Variants in PHACTR1 observed in about 807,000 individuals in gnomAD.
PHACTR1 encodes the protein RPEL repeat containing 1.
PHACTR1 carries 16 observed loss-of-function variants against 69.2 expected under a neutral mutation model. The ratio of observed to expected loss-of-function variants is 0.23; its 90% CI spans 0.16 to 0.35. The LOEUF is 0.35. PHACTR1 is among the 10% of genes least tolerant of loss of function. The pLI is 1.00. For missense variants in PHACTR1, 510 were observed against 734.7 expected, an observed-to-expected ratio of 0.69 and a Z score of 3.54; for synonymous variants, 312 against 284.5, an observed-to-expected ratio of 1.10 and a Z score of -0.97.
At chr6:13,182,214 C>T (rs1383645341) in intron 6 of PHACTR1, among the ~76,000 whole-genome samples, 3 of 152,118 alleles carry the variant, frequency 2.0e-5, no homozygotes, top group African/African-American at 7.2e-5. Flanking sequence ...GCCTGGGCAA[C>T]AAGAGTGAAA....
intron 5 of PHACTR1, among the ~76,000 whole-genome samples, chr6:13,090,892 T>C (rs1020013884): frequency 6.6e-6 from 1 of 152,326 alleles, no homozygotes; most frequent in East Asian, 1.9e-4. Context: ...GCACATTACA[T>C]TTATTGTACA....
chr6:12,915,510 AAAAAAAAAAAG>A (rs1314994888), intron 4 of PHACTR1, among the ~76,000 whole-genome samples: 2 of 149,508 alleles, frequency 1.3e-5, no homozygotes, highest in African/African-American at 5.0e-5. Context: ...CTCTCTCAAA[AAAAAAAAAAAG>A]AAAAAAAAAA....
chr6:13,139,067 A>G (rs1821995661), intron 5 of PHACTR1, among the ~76,000 whole-genome samples: 2 of 150,882 alleles, frequency 1.3e-5, no homozygotes, highest in South Asian at 4.2e-4. Context: ...ACAGTTTTAT[A>G]CTTAGTTAGA....
At chr6:13,224,373 A>C (rs1769223343) in intron 8 of PHACTR1, among the ~76,000 whole-genome samples, 1 of 152,272 alleles carries the variant, frequency 6.6e-6, no homozygotes. Flanking sequence ...TTCCAGGCCA[A>C]GAGCATTGAA....
At chr6:12,991,788 T>C (rs1023301770) in intron 4 of PHACTR1, among the ~76,000 whole-genome samples, 1 of 152,168 alleles carries the variant, frequency 6.6e-6, no homozygotes, top group Non-Finnish European at 1.5e-5. Flanking sequence ...GGAGATCACG[T>C]GCACAGTACT....
intron 5 of PHACTR1, among the ~76,000 whole-genome samples, chr6:13,138,295 C>T (rs1417313327): frequency 6.6e-6 from 1 of 152,146 alleles, no homozygotes; most frequent in Non-Finnish European, 1.5e-5. Flanking sequence ...TCTGGAAAGA[C>T]GTTCCTGGGT....
At chr6:13,200,765 C>G (rs1277762137) in intron 7 of PHACTR1, among the ~76,000 whole-genome samples, 2 of 150,886 alleles carry the variant, frequency 1.3e-5, no homozygotes, top group Admixed American at 1.3e-4. Flanking sequence ...GAAACCCCAT[C>G]TCTACTAAAA....
At chr6:13,184,945 C>A in intron 7 of PHACTR1, 1 of 1,366,628 alleles carries the variant, frequency 7.3e-7, no homozygotes, top group Non-Finnish European at 9.8e-7. Context: ...GCTGCCCCTT[C>A]TCAAGCAGCC....
chr6:12,891,272 T>C (rs1363975787), intron 4 of PHACTR1, among the ~76,000 whole-genome samples: 2 of 152,160 alleles, frequency 1.3e-5, no homozygotes, highest in East Asian at 1.9e-4. Flanking sequence ...CATTTTTTTT[T>C]ACAAATTATG....
chr6:13,043,081 T>C, intron 4 of PHACTR1, among the ~76,000 whole-genome samples: 1 of 152,228 alleles, frequency 6.6e-6, no homozygotes, highest in Non-Finnish European at 1.5e-5. Flanking sequence ...GAGTCATCTC[T>C]GTTCTCTTTG....
At chr6:13,050,106 A>G (rs529466548) in intron 4 of PHACTR1, among the ~76,000 whole-genome samples, 2 of 152,220 alleles carry the variant, frequency 1.3e-5, no homozygotes, top group Non-Finnish European at 2.9e-5. Flanking sequence ...GGTTTCCCAC[A>G]ATTATTACTA....
intron 4 of PHACTR1, among the ~76,000 whole-genome samples, chr6:12,767,697 G>A (rs142940930): frequency 3.9e-4 from 60 of 152,224 alleles, no homozygotes; most frequent in African/African-American, 1.2e-3. Context: ...GAGACTGTTT[G>A]CCCTCTTGGT....
chr6:12,982,694 C>T (rs1481705299), intron 4 of PHACTR1, among the ~76,000 whole-genome samples: 1 of 152,068 alleles, frequency 6.6e-6, no homozygotes, highest in East Asian at 1.9e-4. Flanking sequence ...ATCTAAAGTT[C>T]CCTTTCCAGG....
intron 6 of PHACTR1, among the ~76,000 whole-genome samples, chr6:13,175,806 T>C (rs559613952): frequency 6.6e-6 from 1 of 152,256 alleles, no homozygotes; most frequent in East Asian, 1.9e-4. Context: ...ATAAGACAAA[T>C]GGGAGATCGA....
intron 4 of PHACTR1, among the ~76,000 whole-genome samples, chr6:12,973,795 T>C (rs1488199829): frequency 6.6e-6 from 1 of 152,190 alleles, no homozygotes; most frequent in Admixed American, 6.5e-5. Flanking sequence ...AAGGAGCTTA[T>C]TGATTGTTAT....
chr6:12,733,123 A>G (rs1158052042), intron 3 of PHACTR1, among the ~76,000 whole-genome samples: 7 of 152,246 alleles, frequency 4.6e-5, no homozygotes, highest in African/African-American at 1.4e-4. Context: ...TATTGTAGAT[A>G]GATGCATTTT....
At chr6:12,927,937 G>A (rs1245678818) in intron 4 of PHACTR1, among the ~76,000 whole-genome samples, 1 of 152,226 alleles carries the variant, frequency 6.6e-6, no homozygotes, top group Non-Finnish European at 1.5e-5. Flanking sequence ...CTGCACCTCC[G>A]ATTGCTGACC....
At chr6:13,156,763 G>A (rs981887438) in intron 5 of PHACTR1, among the ~76,000 whole-genome samples, 9 of 152,140 alleles carry the variant, frequency 5.9e-5, no homozygotes, top group Non-Finnish European at 7.4e-5. Context: ...GGACAGCACC[G>A]TCCATTGAGT....
rs368154150 is a variant in PHACTR1, at chr6:12,911,689, C to T, written c.251-141676C>T. 5.3e-5 allele frequency among the ~76,000 whole-genome samples: 8 copies of T among 152,034 alleles called. No homozygotes were observed. In the East Asian group the frequency reaches 1.2e-3, roughly 22 times the overall value. ...GTTTAAAAAAAAAATCCAGGGTGAC[C>T]GCTGGCGTCTCAGCTGAAAACCAGC... On this transcript the variant is annotated intron_variant, in intron 4 of 14. Coordinates refer to ENST00000332995, the MANE Select transcript of PHACTR1 (RefSeq NM_030948.6).
Sources: gnomAD v4.1 joint callset for allele counts (sites outside exome capture counted in the v4.1 genomes callset) on GRCh38, gnomAD v4.1.1 for gene constraint, MANE v1.5 for transcripts, NCBI Gene and HGNC (gene_info 2026-07-23, HGNC 2026-07-21) for gene names.